FARSB: variants seen among roughly 807,000 people sequenced by gnomAD.
FARSB encodes the protein phenylalanine--tRNA ligase beta subunit.
A neutral mutation model predicts 69.6 loss-of-function variants in FARSB; 40 were observed. The observed-to-expected ratio is 0.57, with a 90% confidence interval of 0.45 to 0.75. FARSB has a LOEUF of 0.75. FARSB is among the 30% of genes least tolerant of loss of function. The pLI, the probability that FARSB is intolerant of heterozygous loss-of-function variation, is 0.00. For synonymous variants in FARSB, 235 were observed against 247.2 expected (o/e 0.95, Z 0.46); for missense variants, 632 against 722.9 (o/e 0.87, Z 1.44).
chr2:222,605,800 G>A (rs990966223), intron 15 of FARSB, among the ~76,000 whole-genome samples: 2 of 152,086 alleles, frequency 1.3e-5, no homozygotes, highest in Non-Finnish European at 2.9e-5. Flanking sequence ...GCACACTGGT[G>A]GTGTCATATG....
chr2:222,602,648 G>A (rs1281963119), intron 15 of FARSB, among the ~76,000 whole-genome samples: 1 of 149,394 alleles, frequency 6.7e-6, no homozygotes, highest in Non-Finnish European at 1.5e-5. Context: ...TATACTTTAA[G>A]TTTTAGGGTA....
At chr2:222,617,398 C>T (rs1691025540) in intron 14 of FARSB, among the ~76,000 whole-genome samples, 1 of 152,160 alleles carries the variant, frequency 6.6e-6, no homozygotes, top group South Asian at 2.1e-4. Flanking sequence ...GTTACCACAT[C>T]TTAAGAAATC....
chr2:222,572,071 A>G (rs745747750), intron 16 of FARSB, 49 bp from the exon 17 acceptor site: 72 of 1,540,308 alleles, frequency 4.7e-5, no homozygotes, highest in Non-Finnish European at 5.9e-5. Context: ...CTGGCAAAAC[A>G]TCAATAGACA....
chr2:222,648,802 A>C lies in FARSB; in HGVS notation c.59-7T>G. The C allele has an allele frequency of 6.3e-7, 1 of 1,593,846 alleles. No individual in the cohort carries two copies. ...TCATCAAATTCTTCGTCAGCTAGGA[A>C]AATAAAAAAGGAGATGGTTAATTTC... On this transcript the variant is annotated splice_polypyrimidine_tract_variant and splice_region_variant and intron_variant, in intron 1 of 16. Transcript: ENST00000281828.
chr2:222,619,468 T>C (rs541645624), intron 14 of FARSB, among the ~76,000 whole-genome samples, 177 bp downstream of exon 14: 6 of 152,184 alleles, frequency 3.9e-5, no homozygotes, highest in African/African-American at 1.2e-4. Flanking sequence ...TTTTTAAAAG[T>C]GTAAAGAATT....
chr2:222,572,037 G>C lies in FARSB; in HGVS notation c.1619-15C>G. ...GAAAGCAGGCCCTGAAAAAGAGAAAGTAAGAGAAAAATCAATGTTTCTTCT... is the reference window on the plus strand; with the variant it reads ...GAAAGCAGGCCCTGAAAAAGAGAAACTAAGAGAAAAATCAATGTTTCTTCT... On this transcript the variant is annotated splice_polypyrimidine_tract_variant and intron_variant, in intron 16 of 16. Coordinates refer to ENST00000281828, the MANE Select transcript of FARSB (RefSeq NM_005687.5). 6.2e-7 allele frequency: 1 copy of C among 1,603,550 alleles called. No individual in the cohort carries two copies. Among genetic ancestry groups the C allele is most frequent in the Non-Finnish European group, 8.5e-7 (1 of 1,176,938 alleles).
intron 5 of FARSB, among the ~76,000 whole-genome samples, chr2:222,636,132 C>T (rs1025564129): frequency 2.0e-5 from 3 of 150,178 alleles, no homozygotes; most frequent in Non-Finnish European, 3.0e-5. Context: ...TTAGGCCGCA[C>T]GCGGTGGCTC....
At chr2:222,606,057 A>G (rs1007959763) in intron 15 of FARSB, among the ~76,000 whole-genome samples, 4 of 152,238 alleles carry the variant, frequency 2.6e-5, no homozygotes, top group African/African-American at 9.6e-5. Flanking sequence ...CAATATTTTT[A>G]AGAAAAGCCT....
At chr2:222,627,041 AG>A (rs1359813829) in intron 10 of FARSB, among the ~76,000 whole-genome samples, 8 of 152,172 alleles carry the variant, frequency 5.3e-5, no homozygotes, top group African/African-American at 1.9e-4. Flanking sequence ...ATCTCAAAAA[AG>A]AAAAAAGAAG....
At chr2:222,620,820 A>G (rs1468543823) in intron 13 of FARSB, among the ~76,000 whole-genome samples, 1 of 152,230 alleles carries the variant, frequency 6.6e-6, no homozygotes, top group Admixed American at 6.5e-5. Context: ...GTTGGCCTGT[A>G]TTTCACTTAT....
intron 1 of FARSB, 43 bp from the exon 2 acceptor site, chr2:222,648,838 G>A (rs1412766682): frequency 7.5e-7 from 1 of 1,331,808 alleles, no homozygotes; most frequent in East Asian, 2.3e-5. Flanking sequence ...ACTCTGTTCA[G>A]TATAAGTGAA....
intron 14 of FARSB, among the ~76,000 whole-genome samples, 177 bp downstream of exon 14, chr2:222,619,466 AGT>A (rs1364279669): frequency 6.6e-6 from 1 of 152,188 alleles, no homozygotes; most frequent in African/African-American, 2.4e-5. Context: ...TATTTTTAAA[AGT>A]GTAAAGAATT....
At chr2:222,597,392 C>A (rs1042103549) in intron 16 of FARSB, among the ~76,000 whole-genome samples, 28 of 151,786 alleles carry the variant, frequency 1.8e-4, no homozygotes, top group African/African-American at 6.3e-4. Flanking sequence ...AACATAAAGA[C>A]CTACAACCAC....
chr2:222,609,494 T>C (rs1287834381), intron 15 of FARSB, among the ~76,000 whole-genome samples: 1 of 152,230 alleles, frequency 6.6e-6, no homozygotes. Flanking sequence ...AGAGTCTGCA[T>C]TCAACTTCTC....
At chr2:222,620,707 A>G (rs1267714943) in intron 13 of FARSB, among the ~76,000 whole-genome samples, 1 of 152,252 alleles carries the variant, frequency 6.6e-6, no homozygotes, top group African/African-American at 2.4e-5. Flanking sequence ...AAAGCATTTA[A>G]AACGTAACAC....
At chr2:222,641,751 A>T (rs181342574) in intron 3 of FARSB, among the ~76,000 whole-genome samples, 1 of 152,310 alleles carries the variant, frequency 6.6e-6, no homozygotes, top group Non-Finnish European at 1.5e-5. Context: ...CTAAAATAAA[A>T]GCATCTGATT....
intron 13 of FARSB, among the ~76,000 whole-genome samples, chr2:222,620,415 C>T (rs1268687618): frequency 6.6e-6 from 1 of 152,212 alleles, no homozygotes; most frequent in Non-Finnish European, 1.5e-5. Flanking sequence ...AACTTCTGTG[C>T]ACATGCCTGA....
At chr2:222,580,484 GACA>G (rs1205566957) in intron 16 of FARSB, among the ~76,000 whole-genome samples, 1 of 128,404 alleles carries the variant, frequency 7.8e-6, no homozygotes, top group Admixed American at 8.7e-5. Context: ...AACATAGTGA[GACA>G]ACATCTCAAA....
chr2:222,625,833 TC>T (rs1398197022), intron 10 of FARSB, among the ~76,000 whole-genome samples: 1 of 152,196 alleles, frequency 6.6e-6, no homozygotes, highest in East Asian at 1.9e-4. Flanking sequence ...AATAACTAGT[TC>T]CAGGTCAGAA....
Sources: allele counts gnomAD v4.1 joint callset (sites outside exome capture counted in the v4.1 genomes callset), GRCh38; gene constraint gnomAD v4.1.1; transcripts MANE v1.5; gene names NCBI Gene and HGNC (gene_info 2026-07-23, HGNC 2026-07-21).